Variants in POLR1D observed in about 807,000 individuals in gnomAD.
The protein encoded by POLR1D is DNA-directed RNA polymerases I and III subunit RPAC2.
Under a neutral mutation model 10.8 loss-of-function variants are expected in POLR1D, and 8 were observed. The ratio of observed to expected loss-of-function variants is 0.74; its 90% CI spans 0.43 to 1.33. POLR1D has a LOEUF of 1.33. Ranked by LOEUF, POLR1D falls within the 40% of genes most tolerant of loss-of-function variation. POLR1D has a pLI of 0.01. For synonymous variants in POLR1D, 54 were observed against 57.2 expected (o/e 0.94, Z 0.25); for missense variants, 152 against 161.7 (o/e 0.94, Z 0.32).
exon 3 of POLR1D, chr13:27,667,185 C>G (rs1341435036): frequency 1.3e-5 from 2 of 152,202 alleles, no homozygotes; most frequent in African/African-American, 4.8e-5. Flanking sequence ...TTCTCCCACC[C>G]CAGATCCCAG....
chr13:27,653,426 GA>G (rs1468369564), intron 2 of POLR1D, among the ~76,000 whole-genome samples: 1 of 152,188 alleles, frequency 6.6e-6, no homozygotes, highest in Non-Finnish European at 1.5e-5. Flanking sequence ...GTAAATAAAA[GA>G]TGGCAGGCAA....
intron 2 of POLR1D, chr13:27,650,173 A>G (rs1593289534): frequency 7.6e-6 from 3 of 397,276 alleles, no homozygotes; most frequent in Non-Finnish European, 1.3e-5. Flanking sequence ...TAAGCATGGA[A>G]TATTGCCAAG....
At chr13:27,626,558 G>A (rs772005745), downstream of POLR1D, among the ~76,000 whole-genome samples, 8 of 152,154 alleles carry the variant, frequency 5.3e-5, no homozygotes, top group Admixed American at 4.6e-4. Context: ...GGAAAGCTGA[G>A]TTGGTCCAAA....
In POLR1D at chr13:27,663,987, G is replaced by A. The variant is rs563369232; in HGVS notation, c.102-1699G>A. ...TGGAGGGTAGTTTTTCCTGTAGGCT[G>A]TCTGTGTTATGCTGTTTTGGAACAT... On this transcript the variant is annotated intron_variant, in intron 2 of 2. Transcript: ENST00000399697. The surrounding 1 kb of genome is among the most constrained non-coding windows in gnomAD (Gnocchi z 4.1). Among the ~76,000 whole-genome samples, 131 of 152,324 alleles carry A rather than the reference G, an allele frequency of 8.6e-4. No individual in the cohort carries two copies. The highest frequency in any genetic ancestry group is 3.1e-3 in the African/African-American group (128 of 41,572).
intron 1 of POLR1D, among the ~76,000 whole-genome samples, chr13:27,635,723 T>TATATATAC (rs1457271831): frequency 5.6e-5 from 6 of 106,706 alleles, no homozygotes; most frequent in African/African-American, 1.9e-4. Flanking sequence ...TATATATATA[T>TATATATAC]ATACATACAC....
chr13:27,665,637 G>A (rs1337125451), intron 2 of POLR1D: 5 of 1,561,898 alleles, frequency 3.2e-6, no homozygotes, highest in East Asian at 2.2e-5. Context: ...CAGCTTTGGA[G>A]TTAACCATTT....
At chr13:27,654,198 C>T (rs74936534) in intron 2 of POLR1D, among the ~76,000 whole-genome samples, 5,099 of 152,238 alleles carry the variant, frequency 0.033, 136 homozygotes, top group Non-Finnish European at 0.054. Flanking sequence ...GTAGTAATTT[C>T]GTAATATTCT....
downstream of POLR1D, among the ~76,000 whole-genome samples, chr13:27,627,727 G>GTGTTTT (rs1566142699): frequency 1.0e-5 from 1 of 95,424 alleles, no homozygotes; most frequent in Non-Finnish European, 2.2e-5. Context: ...TAAAGTTTTA[G>GTGTTTT]TTTTTTTTTT....
At chr13:27,635,167 G>A (rs1015987490) in intron 1 of POLR1D, among the ~76,000 whole-genome samples, 5 of 152,108 alleles carry the variant, frequency 3.3e-5, no homozygotes, top group African/African-American at 1.2e-4. Flanking sequence ...GAATGAGAGA[G>A]TAACTTGTTA....
chr13:27,629,512 A>G (rs965216125), intron 1 of POLR1D, among the ~76,000 whole-genome samples: 19 of 152,290 alleles, frequency 1.2e-4, no homozygotes, highest in Middle Eastern at 6.8e-3. Context: ...ATATTCCTTC[A>G]TGTGAAAACT....
intron 1 of POLR1D, among the ~76,000 whole-genome samples, chr13:27,642,178 T>A (rs1956180598): frequency 6.6e-6 from 1 of 152,236 alleles, no homozygotes; most frequent in African/African-American, 2.4e-5. Flanking sequence ...CATTTATCTC[T>A]GATCAGTAGC....
downstream of POLR1D, among the ~76,000 whole-genome samples, chr13:27,624,793 C>T (rs1453254906): frequency 3.9e-5 from 6 of 151,944 alleles, no homozygotes; most frequent in African/African-American, 1.5e-4. Context: ...GAAGCTGAGG[C>T]GAGAGGATAT....
intron 1 of POLR1D, among the ~76,000 whole-genome samples, chr13:27,641,728 G>A (rs1956174962): frequency 6.6e-6 from 1 of 152,208 alleles, no homozygotes; most frequent in South Asian, 2.1e-4. Context: ...ATCTATTGAT[G>A]TGGAGCAAAC....
intron 1 of POLR1D, 87 bp from the exon 2 acceptor site, chr13:27,622,787 TG>T (rs2138518074): frequency 2.6e-6 from 2 of 778,690 alleles, no homozygotes; most frequent in South Asian, 3.1e-5. Flanking sequence ...AATAATAATG[TG>T]TTGCAATGTG....
intron 2 of POLR1D, among the ~76,000 whole-genome samples, chr13:27,655,158 T>C (rs1309789576): frequency 6.6e-6 from 1 of 152,212 alleles, no homozygotes; most frequent in Non-Finnish European, 1.5e-5. Context: ...TCAAAATCAA[T>C]TCCTTATACA....
chr13:27,665,763 A>G, exon 3 of POLR1D: 1 of 1,613,800 alleles, frequency 6.2e-7, no homozygotes. Context: ...TCTCATAAAG[A>G]GCAAGACCAT....
chr13:27,650,768 AAAAC>A (rs1281299472), intron 2 of POLR1D: 3 of 152,248 alleles, frequency 2.0e-5, no homozygotes, highest in Non-Finnish European at 4.4e-5. Context: ...TTTGATTTAA[AAAAC>A]AAATAAATGA....
At chr13:27,639,223 C>G (rs1956154148) in intron 1 of POLR1D, among the ~76,000 whole-genome samples, 1 of 152,100 alleles carries the variant, frequency 6.6e-6, no homozygotes, top group African/African-American at 2.4e-5. Flanking sequence ...AAAGAGATAA[C>G]AAAATACATT....
At chr13:27,652,290 T>C (rs912387870) in intron 2 of POLR1D, among the ~76,000 whole-genome samples, 9 of 152,236 alleles carry the variant, frequency 5.9e-5, no homozygotes, top group African/African-American at 2.2e-4. Context: ...CATAAAACTT[T>C]CTGATAGTAA....
Sources: allele counts gnomAD v4.1 joint callset (sites outside exome capture counted in the v4.1 genomes callset), GRCh38; gene constraint gnomAD v4.1.1; non-coding constraint Gnocchi (gnomAD v3.1); transcripts MANE v1.5; gene names NCBI Gene and HGNC (gene_info 2026-07-23, HGNC 2026-07-21).